The following GALNTL6 variants were observed in gnomAD, a reference collection of about 807,000 sequenced individuals.
GALNTL6 encodes polypeptide N-acetylgalactosaminyltransferase like 6.
GALNTL6 carries 46 observed loss-of-function variants against 73.7 expected under a neutral mutation model. The observed-to-expected ratio is 0.62, with a 90% CI of 0.49 to 0.80. GALNTL6 has a LOEUF of 0.80. Among genes scored for constraint, GALNTL6 ranks in the 30% least tolerant of loss-of-function variants. GALNTL6 has a pLI of 0.00. For synonymous variants in GALNTL6, 259 were observed against 263.7 expected, an observed-to-expected ratio of 0.98 and a Z score of 0.17; for missense variants, 604 against 755.0, an observed-to-expected ratio of 0.80 and a Z score of 2.34.
chr4:172,573,599 C>T (rs984479859), intron 5 of GALNTL6, among the ~76,000 whole-genome samples: 6 of 152,038 alleles, frequency 3.9e-5, no homozygotes, highest in African/African-American at 1.4e-4. Context: ...AGCTAATCTT[C>T]CTATTATACT....
chr4:172,478,211 G>GCAATCCTAAGCA (rs1733309101), intron 5 of GALNTL6, among the ~76,000 whole-genome samples: 1 of 152,070 alleles, frequency 6.6e-6, no homozygotes, highest in Non-Finnish European at 1.5e-5. Context: ...AATAGCCAAA[G>GCAATCCTAAGCA]CAATCCTAAG....
At chr4:171,946,559 C>A (rs1431353510) in intron 2 of GALNTL6, among the ~76,000 whole-genome samples, 1 of 152,284 alleles carries the variant, frequency 6.6e-6, no homozygotes, top group Admixed American at 6.5e-5. Flanking sequence ...TAAGCCTCAT[C>A]GAGCTCGTCT....
Position 172,348,702 on chromosome 4 carries a change from T to C in GALNTL6, c.553+13T>C. 6.4e-7 allele frequency: 1 copy of C among 1,566,322 alleles called. No individual in the cohort carries two copies. The highest frequency in any genetic ancestry group is 8.7e-7 in the Non-Finnish European group (1 of 1,146,974). On this transcript the variant is annotated intron_variant, in intron 5 of 12. Coordinates refer to ENST00000506823, the MANE Select transcript of GALNTL6 (RefSeq NM_001034845.3). Reference sequence around the variant, plus strand: ...TTCAGTGAGAGAGGTAAGATACAGTTGATAACATTTTATCTGATTCTGCTA... The same window carrying C: ...TTCAGTGAGAGAGGTAAGATACAGTCGATAACATTTTATCTGATTCTGCTA...
chr4:172,159,031 G>A (rs148140921), intron 2 of GALNTL6, among the ~76,000 whole-genome samples: 1 of 152,272 alleles, frequency 6.6e-6, no homozygotes, highest in East Asian at 1.9e-4. Flanking sequence ...TTTGGAAATT[G>A]CCATAGAAGT....
intron 2 of GALNTL6, among the ~76,000 whole-genome samples, chr4:171,842,070 T>C (rs1735251902): frequency 6.6e-6 from 1 of 152,124 alleles, no homozygotes; most frequent in Non-Finnish European, 1.5e-5. Flanking sequence ...TTGAATTTTG[T>C]CTTTGGAAAG....
chr4:172,625,947 A>G (rs911405356), intron 5 of GALNTL6, among the ~76,000 whole-genome samples: 2 of 151,788 alleles, frequency 1.3e-5, no homozygotes, highest in African/African-American at 4.8e-5. Flanking sequence ...GTTTGCAAAT[A>G]TTTTCTCCCA....
At chr4:172,074,199 A>G (rs1378566467) in intron 2 of GALNTL6, among the ~76,000 whole-genome samples, 1 of 152,232 alleles carries the variant, frequency 6.6e-6, no homozygotes, top group Admixed American at 6.5e-5. Context: ...GATTACATTG[A>G]CATGAAGAAA....
At chr4:171,869,048 T>C (rs951313505) in intron 2 of GALNTL6, among the ~76,000 whole-genome samples, 1 of 152,168 alleles carries the variant, frequency 6.6e-6, no homozygotes, top group Non-Finnish European at 1.5e-5. Flanking sequence ...CAACTTCATG[T>C]AAACGGGAAG....
intron 2 of GALNTL6, among the ~76,000 whole-genome samples, chr4:172,186,151 C>T (rs1328390153): frequency 6.6e-6 from 1 of 152,010 alleles, no homozygotes; most frequent in Non-Finnish European, 1.5e-5. Context: ...GTACACTTCT[C>T]CAGAGAAGAT....
chr4:172,251,524 C>T (rs994254629), intron 3 of GALNTL6, among the ~76,000 whole-genome samples: 23 of 152,222 alleles, frequency 1.5e-4, no homozygotes, highest in African/African-American at 4.8e-4. Flanking sequence ...CAGGCTGGCA[C>T]ATCCTGAATA....
intron 2 of GALNTL6, among the ~76,000 whole-genome samples, chr4:172,209,231 C>A (rs1337523924): frequency 1.3e-5 from 2 of 152,004 alleles, no homozygotes; most frequent in Non-Finnish European, 2.9e-5. Flanking sequence ...TGAACAATTT[C>A]TCACAGAGAT....
chr4:172,781,222 G>A (rs886691386), intron 5 of GALNTL6, among the ~76,000 whole-genome samples: 1 of 152,138 alleles, frequency 6.6e-6, no homozygotes, highest in Non-Finnish European at 1.5e-5. Context: ...ATTGATTGCA[G>A]TCTGTTAGTC....
At chr4:172,641,785 A>C (rs1739994367) in intron 5 of GALNTL6, among the ~76,000 whole-genome samples, 1 of 152,054 alleles carries the variant, frequency 6.6e-6, no homozygotes, top group African/African-American at 2.4e-5. Flanking sequence ...ATAGGAATTT[A>C]AGTGCTCTAG....
At chr4:172,213,533 G>T (rs538837154) in intron 2 of GALNTL6, among the ~76,000 whole-genome samples, 2 of 152,228 alleles carry the variant, frequency 1.3e-5, no homozygotes, top group East Asian at 3.9e-4. Context: ...AAGGATCGTT[G>T]TATATGCTTA....
At chr4:172,052,290 T>C (rs918791796) in intron 2 of GALNTL6, among the ~76,000 whole-genome samples, 6 of 152,196 alleles carry the variant, frequency 3.9e-5, no homozygotes, top group African/African-American at 1.4e-4. Flanking sequence ...ATACAGGACA[T>C]GTACCACACT....
chr4:172,797,906 C>T (rs1740372147), intron 5 of GALNTL6, among the ~76,000 whole-genome samples: 1 of 151,856 alleles, frequency 6.6e-6, no homozygotes, highest in Non-Finnish European at 1.5e-5. Context: ...TTAATTTTTC[C>T]TTTTCTCAGA....
intron 5 of GALNTL6, among the ~76,000 whole-genome samples, chr4:172,444,116 G>GATCA (rs1406627097): frequency 1.8e-4 from 27 of 152,308 alleles, no homozygotes; most frequent in Admixed American, 5.9e-4. Context: ...AGATTAGTCT[G>GATCA]GAGTATATAA....
At chr4:172,240,026 G>A (rs1225122513) in intron 3 of GALNTL6, among the ~76,000 whole-genome samples, 2 of 152,152 alleles carry the variant, frequency 1.3e-5, no homozygotes, top group Non-Finnish European at 2.9e-5. Context: ...AGAATCTAAT[G>A]AGTATGTGTC....
intron 2 of GALNTL6, among the ~76,000 whole-genome samples, chr4:172,055,550 AT>A (rs74718372): frequency 0.18 from 27,663 of 151,750 alleles, 2,718 homozygotes; most frequent in East Asian, 0.26. Flanking sequence ...TGAGACTTCC[AT>A]TTTTTTTCCC....
Sources: allele counts gnomAD v4.1 joint callset (sites outside exome capture counted in the v4.1 genomes callset), GRCh38; gene constraint gnomAD v4.1.1; transcripts MANE v1.5; gene names NCBI Gene and HGNC (gene_info 2026-07-23, HGNC 2026-07-21).